CBL: variants seen among roughly 807,000 people sequenced by gnomAD.
CBL encodes the protein E3 ubiquitin-protein ligase CBL.
Under a neutral mutation model 96.9 loss-of-function variants are expected in CBL, and 45 were observed. The observed-to-expected ratio is 0.46, with a 90% confidence interval of 0.37 to 0.60. CBL has a LOEUF of 0.60. CBL is among the 20% of genes least tolerant of loss of function. The pLI is 0.00. For synonymous variants in CBL, 420 were observed against 426.8 expected (o/e 0.98, Z 0.20); for missense variants, 1,024 against 1,143.5 (o/e 0.90, Z 1.51).
At chr11:119,291,108 G>C (rs1379713451) in intron 12 of CBL, among the ~76,000 whole-genome samples, 1 of 152,164 alleles carries the variant, frequency 6.6e-6, no homozygotes, top group Middle Eastern at 3.2e-3. Context: ...TAAAGGTAAT[G>C]TTTCTTGGCT....
chr11:119,209,166 T>G (rs1253951907), intron 1 of CBL, among the ~76,000 whole-genome samples: 1 of 152,262 alleles, frequency 6.6e-6, no homozygotes, highest in East Asian at 1.9e-4. Context: ...ACCATCTCTT[T>G]TACCCTTGAT....
At chr11:119,234,584 T>G (rs1565860256) in intron 2 of CBL, among the ~76,000 whole-genome samples, 2 of 152,164 alleles carry the variant, frequency 1.3e-5, no homozygotes, top group African/African-American at 4.8e-5. Context: ...AAAAGGAAAG[T>G]TAAGCATTCA....
chr11:119,286,829 A>G (rs1949987925), intron 11 of CBL, among the ~76,000 whole-genome samples: 1 of 152,236 alleles, frequency 6.6e-6, no homozygotes, highest in Non-Finnish European at 1.5e-5. Context: ...TGCCCTCACA[A>G]AGTTTATATT....
intron 2 of CBL, among the ~76,000 whole-genome samples, chr11:119,240,983 G>C (rs1057294892): frequency 1.7e-4 from 26 of 152,232 alleles, no homozygotes; most frequent in African/African-American, 6.3e-4. Flanking sequence ...TGAGGCAGGA[G>C]AATCACTTGA....
In CBL at chr11:119,296,469, T is replaced by C. The variant is rs561549704; in HGVS notation, c.2037-449T>C. Among the ~76,000 whole-genome samples the C allele has an allele frequency of 1.2e-4, 18 of 152,334 alleles. No individual in the cohort carries two copies. In the South Asian group the frequency reaches 3.5e-3, roughly 30 times the overall value. On this transcript the variant is annotated intron_variant, in intron 12 of 15. Transcript: ENST00000264033. Reference sequence around the variant, plus strand: ...GCGGTCGCTTTATCTCTCTCTATTTTAAATTTTTCTTATATAAAACAAGGA... The same window carrying C: ...GCGGTCGCTTTATCTCTCTCTATTTCAAATTTTTCTTATATAAAACAAGGA...
Position 119,271,830 on chromosome 11 carries a change from G to A in CBL, c.539G>A (p.Arg180Gln), listed in dbSNP as rs730880431. ...GGACTCTTTCAGGGAGACACATTTC[G>A]GATTACTAAAGCAGATGCTGCGGAA... ...PSGLFQGDTF[R>Q]ITKADAAEFW... Residue 180 changes from arginine to glutamine, a missense_variant, in exon 3 of 16, where the codon CGG becomes CAG. Physicochemically the swap from Arg to Gln is conservative, Grantham distance 43. Coordinates refer to ENST00000264033, the MANE Select transcript of CBL (RefSeq NM_005188.4). The A allele has an allele frequency of 3.7e-6, 6 of 1,613,854 alleles. No individual in the cohort carries two copies. Among genetic ancestry groups the A allele is most frequent in the Non-Finnish European group, 5.1e-6 (6 of 1,179,956 alleles).
chr11:119,206,346 C>T lies in CBL; in HGVS notation c.-72C>T. On this transcript the variant is annotated 5_prime_UTR_variant, in exon 1 of 16. Coordinates refer to ENST00000264033, the MANE Select transcript of CBL (RefSeq NM_005188.4). ...GGCCGGGAGAGGCCCCTCCTTCACG[C>T]CCTGCTTCTCTCCCTCGCTCGCAGT... 5 of 1,245,968 alleles carry T rather than the reference C, an allele frequency of 4.0e-6. No individual in the cohort carries two copies. Among genetic ancestry groups the T allele is most frequent in the South Asian group, 3.2e-5 (2 of 61,540 alleles). The allele number at this position is 1,245,968 out of a possible 1,614,324, so 77.2% of individuals were successfully genotyped here.
In CBL at chr11:119,274,009, TAC is replaced by T. The variant is rs1949868864; in HGVS notation, c.733_734del (p.Thr245ProfsTer30). On this transcript the variant is annotated frameshift_variant, in exon 4 of 16. Transcript: ENST00000264033. LOFTEE classifies it high-confidence loss of function. The stretch of plus-strand genomic sequence containing the variant: ...TTTCGGTTTTTGAATTTGACATCTT[TAC>T]CCGACTCTTTCAGGTAGGACACTAA... Reference protein sequence around the residue: ...YISVFEFDIFTRLFQPWSSLL... With the variant: ...YISVFEFDIFXRLFQPWSSLL... 1 of 1,613,838 alleles carries T rather than the reference TAC, an allele frequency of 6.2e-7. No individual in the cohort carries two copies. The highest frequency in any genetic ancestry group is 8.5e-7 in the Non-Finnish European group (1 of 1,179,926).
chr11:119,280,448 C>A (rs1465296854), intron 9 of CBL, among the ~76,000 whole-genome samples: 1 of 152,026 alleles, frequency 6.6e-6, no homozygotes, highest in Admixed American at 6.5e-5. Context: ...TAAAGTTTAT[C>A]CCCCTTTTTT....
intron 2 of CBL, among the ~76,000 whole-genome samples, chr11:119,241,143 G>T (rs894557673): frequency 2.0e-5 from 3 of 152,132 alleles, no homozygotes; most frequent in Admixed American, 6.6e-5. Flanking sequence ...GTTGCTTCAT[G>T]ATTTTATTTT....
chr11:119,255,813 A>G (rs1299248854), intron 2 of CBL, among the ~76,000 whole-genome samples: 4 of 152,142 alleles, frequency 2.6e-5, no homozygotes, highest in African/African-American at 9.7e-5. Context: ...TATATGAATG[A>G]TGGAGAATGG....
intron 1 of CBL, among the ~76,000 whole-genome samples, chr11:119,225,749 CAG>C (rs1211549375): frequency 2.0e-3 from 120 of 60,886 alleles, no homozygotes; most frequent in African/African-American, 7.8e-3. Flanking sequence ...TTTTTTGAGA[CAG>C]AGTTTCGTTC....
At chr11:119,224,371 T>C (rs1949438101) in intron 1 of CBL, among the ~76,000 whole-genome samples, 1 of 152,026 alleles carries the variant, frequency 6.6e-6, no homozygotes, top group Non-Finnish European at 1.5e-5. Context: ...CCCATCCACC[T>C]CAGTCCCTGT....
intron 1 of CBL, 94 bp downstream of exon 1, chr11:119,206,706 G>A (rs1592364810): frequency 8.4e-7 from 1 of 1,193,342 alleles, no homozygotes; most frequent in African/African-American, 1.6e-5. Flanking sequence ...CGGGGGAGGG[G>A]ACGGGTCTGG....
chr11:119,290,632 G>A (rs950967650), intron 12 of CBL, among the ~76,000 whole-genome samples: 43 of 136,518 alleles, frequency 3.1e-4, no homozygotes, highest in Non-Finnish European at 5.9e-4. Flanking sequence ...AAAAAAAAAA[G>A]AGATACTTTC....
intron 2 of CBL, among the ~76,000 whole-genome samples, chr11:119,267,143 C>T (rs1425331056): frequency 6.6e-6 from 1 of 152,114 alleles, no homozygotes. Flanking sequence ...TTTGTAAATT[C>T]ATTATTTCCT....
intron 12 of CBL, among the ~76,000 whole-genome samples, chr11:119,288,684 G>A (rs932942749): frequency 1.3e-5 from 2 of 152,106 alleles, no homozygotes; most frequent in Non-Finnish European, 2.9e-5. Flanking sequence ...GCACATGGTC[G>A]GGTCCCACCC....
chr11:119,253,883 T>A (rs1219289867), intron 2 of CBL, among the ~76,000 whole-genome samples: 1 of 151,320 alleles, frequency 6.6e-6, no homozygotes, highest in Non-Finnish European at 1.5e-5. Context: ...GCCAGTCTTG[T>A]TGGCTCACGT....
At chr11:119,268,389 G>T (rs1359010282) in intron 2 of CBL, among the ~76,000 whole-genome samples, 2 of 152,216 alleles carry the variant, frequency 1.3e-5, no homozygotes, top group Non-Finnish European at 1.5e-5. Flanking sequence ...CAAGGTAAAT[G>T]AAAGAAGCTA....
Sources: gnomAD v4.1 joint callset for allele counts (sites outside exome capture counted in the v4.1 genomes callset) on GRCh38, gnomAD v4.1.1 for gene constraint, MANE v1.5 for transcripts, NCBI Gene and HGNC (gene_info 2026-07-23, HGNC 2026-07-21) for gene names.